The following EML6 variants were observed in gnomAD, a reference collection of about 807,000 sequenced individuals.
The protein encoded by EML6 is echinoderm microtubule-associated protein-like 6.
In EML6, 154 loss-of-function variants were observed where a neutral mutation model predicts 240.1. That is an observed-to-expected ratio of 0.64 (90% CI 0.56 to 0.73). EML6 has a LOEUF of 0.73. Ranked by LOEUF, EML6 falls within the 30% of genes least tolerant of loss-of-function variation. The probability of loss-of-function intolerance (pLI) is 0.00; values close to 1 mark genes in which losing one functional copy is unlikely to be tolerated. For missense variants in EML6, 2,964 were observed against 2,474.6 expected, an observed-to-expected ratio of 1.20 and a Z score of -4.20; for synonymous variants, 1,148 against 899.0, an observed-to-expected ratio of 1.28 and a Z score of -4.95.
intron 9 of EML6, 80 bp downstream of exon 9, chr2:54,847,703 AG>A: frequency 1.4e-6 from 2 of 1,445,260 alleles, no homozygotes; most frequent in Non-Finnish European, 9.4e-7. Flanking sequence ...AATACATGCT[AG>A]GACCTTAGGA....
chr2:54,875,188 A>G (rs758811162), intron 16 of EML6, among the ~76,000 whole-genome samples: 10 of 152,160 alleles, frequency 6.6e-5, no homozygotes, highest in South Asian at 4.1e-4. Context: ...CCCCATGTGG[A>G]ACAGCCCCAA....
intron 17 of EML6, chr2:54,882,263 AT>A (rs1339002825): frequency 7.1e-6 from 1 of 141,458 alleles, no homozygotes; most frequent in Non-Finnish European, 1.5e-5. Flanking sequence ...TTACAAATGA[AT>A]TTTTTAGTCT....
chr2:54,871,583 A>C lies in EML6; in HGVS notation c.2322A>C (p.Gly774=). The C allele has an allele frequency of 6.4e-7, 1 of 1,551,498 alleles. No homozygotes were observed. The highest frequency in any genetic ancestry group is 8.7e-7 in the Non-Finnish European group (1 of 1,146,756). The change falls in exon 16 of 42, where the codon GGA becomes GGC. Residue 774 remains glycine (G), a synonymous_variant. Transcript: ENST00000356458. Reference sequence around the variant, plus strand: ...TGTTGAAAGGACAACATCAGAGAGGAGTGTGTGCACTTGATTTTTCAGGTA... The same window carrying C: ...TGTTGAAAGGACAACATCAGAGAGGCGTGTGTGCACTTGATTTTTCAGGTA... ...LSLLKGQHQR[G]VCALDFSADG...
chr2:54,891,190 G>C lies in EML6; in HGVS notation c.2539+36G>C, dbSNP rs1672448792. On this transcript the variant is annotated intron_variant, in intron 18 of 41. Coordinates refer to ENST00000356458, the MANE Select transcript of EML6 (RefSeq NM_001039753.4). The stretch of plus-strand genomic sequence containing the variant: ...TTGGGTTTATCATTTATGTGATTGA[G>C]AGCTTTACCCTAGCTGGAAAGAAAA... 6 of 1,063,122 alleles carry C rather than the reference G, an allele frequency of 5.6e-6. No individual in the cohort carries two copies. The African/African-American group carries it at 7.8e-5, about 14-fold the overall frequency. 65.9% of individuals were successfully genotyped at this position (1,063,122 alleles called of 1,614,324 possible).
intron 24 of EML6, among the ~76,000 whole-genome samples, chr2:54,906,033 G>C (rs771829273): frequency 6.6e-6 from 1 of 152,196 alleles, no homozygotes; most frequent in Non-Finnish European, 1.5e-5. Context: ...AGTATTTGAG[G>C]TATATGCCCA....
At chr2:54,872,311 A>G (rs1671296736) in intron 16 of EML6, among the ~76,000 whole-genome samples, 1 of 152,212 alleles carries the variant, frequency 6.6e-6, no homozygotes, top group Admixed American at 6.5e-5. Context: ...TAGAAAAAGA[A>G]TTCTAAACTT....
Position 54,725,840 on chromosome 2 carries a change from C to CTT in EML6, c.197+583_197+584dup, listed in dbSNP as rs1314601161. 4.6e-5 allele frequency among the ~76,000 whole-genome samples: 7 copies of CTT among 152,192 alleles called. No homozygotes were observed. Among genetic ancestry groups the CTT allele is most frequent in the Admixed American group, 3.9e-4 (6 of 15,286 alleles). On this transcript the variant is annotated intron_variant, in intron 2 of 41. Coordinates refer to ENST00000356458, the MANE Select transcript of EML6 (RefSeq NM_001039753.4). This position sits in a 1 kb window ranked among gnomAD's most constrained non-coding sequence, Gnocchi z 4.3. ...AGCATATTTATACACTAAATGGATGCTTCCACAGCATCATTGAGGTTATTA... is the reference window on the plus strand; with the variant it reads ...AGCATATTTATACACTAAATGGATGCTTTTCCACAGCATCATTGAGGTTATTA...
At chr2:54,792,547 C>T (rs533970173) in intron 2 of EML6, among the ~76,000 whole-genome samples, 4 of 152,282 alleles carry the variant, frequency 2.6e-5, no homozygotes, top group African/African-American at 7.2e-5. Context: ...ACAAGGGGCA[C>T]AGGGGAAATT....
At chr2:54,796,972 G>T (rs966012359) in intron 2 of EML6, among the ~76,000 whole-genome samples, 3 of 151,722 alleles carry the variant, frequency 2.0e-5, no homozygotes, top group African/African-American at 7.3e-5. Context: ...GACCATACTG[G>T]CTAACGTGGT....
chr2:54,892,123 G>T (rs769654330), intron 18 of EML6, among the ~76,000 whole-genome samples: 1 of 152,150 alleles, frequency 6.6e-6, no homozygotes, highest in Non-Finnish European at 1.5e-5. Flanking sequence ...CTGAGCCTCA[G>T]TTAGACGCAT....
intron 26 of EML6, among the ~76,000 whole-genome samples, chr2:54,920,701 G>A (rs1295083935): frequency 1.3e-5 from 2 of 152,052 alleles, no homozygotes; most frequent in Non-Finnish European, 2.9e-5. Context: ...ACCAGATAAG[G>A]ACATTACAAG....
intron 5 of EML6, among the ~76,000 whole-genome samples, chr2:54,822,633 A>C (rs1668385528): frequency 6.6e-6 from 1 of 152,160 alleles, no homozygotes; most frequent in South Asian, 2.1e-4. Context: ...GGAAGTTTAC[A>C]GTTTACTTTG....
rs13004486 is a variant in EML6 at position 54,733,911 on chromosome 2, T to C, written c.197+8653T>C. The stretch of plus-strand genomic sequence containing the variant: ...ACTGAGAGAGAATAAATGGCAACTT[T>C]ACTACAGAAGGTGGAGTAGAAGAGA... On this transcript the variant is annotated intron_variant, in intron 2 of 41. Transcript: ENST00000356458. Among the ~76,000 whole-genome samples, 612 of 152,280 alleles carry C rather than the reference T, an allele frequency of 4.0e-3. 4 individuals are homozygous for C. The highest frequency in any genetic ancestry group is 6.2e-3 in the Non-Finnish European group (425 of 68,016).
intron 28 of EML6, among the ~76,000 whole-genome samples, chr2:54,929,674 T>C (rs1435542330): frequency 1.4e-5 from 2 of 147,466 alleles, no homozygotes; most frequent in Non-Finnish European, 1.5e-5. Context: ...TGTGGGGTTT[T>C]AGATGCAAAG....
At chr2:54,927,742 A>G (rs1163448114) in intron 26 of EML6, among the ~76,000 whole-genome samples, 4 of 152,194 alleles carry the variant, frequency 2.6e-5, no homozygotes, top group Admixed American at 6.5e-5. Context: ...GTATTTGGCT[A>G]TGTTTGTTGA....
At chr2:54,770,908 T>G (rs939103422) in intron 2 of EML6, among the ~76,000 whole-genome samples, 1 of 152,124 alleles carries the variant, frequency 6.6e-6, no homozygotes, top group Admixed American at 6.5e-5. Flanking sequence ...AGTCACACTT[T>G]TGTGGATGTA....
chr2:54,822,136 TG>T (rs1668362577), intron 5 of EML6, among the ~76,000 whole-genome samples: 2 of 152,094 alleles, frequency 1.3e-5, no homozygotes, highest in Non-Finnish European at 2.9e-5. Flanking sequence ...ATAGAAACAC[TG>T]TTGGCCAATA....
At chr2:54,939,585 A>G (rs528361784) in intron 28 of EML6, among the ~76,000 whole-genome samples, 10 of 152,122 alleles carry the variant, frequency 6.6e-5, no homozygotes, top group South Asian at 2.1e-4. Flanking sequence ...ATCATTTTCA[A>G]TAGCCCCCAC....
intron 12 of EML6, among the ~76,000 whole-genome samples, chr2:54,861,715 G>C (rs1281221341): frequency 2.0e-5 from 3 of 151,800 alleles, no homozygotes; most frequent in Non-Finnish European, 2.9e-5. Flanking sequence ...AGTCAGATTG[G>C]TGAGATCCTT....
Sources: allele counts gnomAD v4.1 joint callset (sites outside exome capture counted in the v4.1 genomes callset), GRCh38; gene constraint gnomAD v4.1.1; non-coding constraint Gnocchi (gnomAD v3.1); transcripts MANE v1.5; gene names NCBI Gene and HGNC (gene_info 2026-07-23, HGNC 2026-07-21).